Variants in CORO1C observed in about 807,000 individuals in gnomAD.
CORO1C encodes the protein coronin-1C.
Under a neutral mutation model 51.2 loss-of-function variants are expected in CORO1C, and 14 were observed. The ratio of observed to expected loss-of-function variants is 0.27; its 90% confidence interval spans 0.18 to 0.43. The LOEUF (loss-of-function observed/expected upper bound fraction) is 0.43. CORO1C is among the 20% of genes least tolerant of loss of function. The pLI is 1.00. For missense variants in CORO1C, 417 were observed against 607.8 expected (o/e 0.69, Z 3.30); for synonymous variants, 181 against 210.5 (o/e 0.86, Z 1.21).
intron 3 of CORO1C, among the ~76,000 whole-genome samples, chr12:108,663,005 T>C (rs979473163): frequency 5.9e-5 from 9 of 151,936 alleles, no homozygotes; most frequent in Non-Finnish European, 1.0e-4. Context: ...AATTGAAAAA[T>C]AGGCCAGTCA....
intron 2 of CORO1C, among the ~76,000 whole-genome samples, chr12:108,680,730 AC>A (rs2034096021): frequency 6.6e-6 from 1 of 152,220 alleles, no homozygotes; most frequent in South Asian, 2.1e-4. Flanking sequence ...CCGAAATTTA[AC>A]AAATGCTGGA....
intron 1 of CORO1C, among the ~76,000 whole-genome samples, chr12:108,715,098 G>T (rs779218648): frequency 4.6e-5 from 7 of 151,912 alleles, no homozygotes; most frequent in Non-Finnish European, 8.8e-5. Flanking sequence ...GCTGGGTGTG[G>T]TGGTTCATAC....
At chr12:108,669,340 A>C (rs964288751) in intron 3 of CORO1C, among the ~76,000 whole-genome samples, 1 of 152,198 alleles carries the variant, frequency 6.6e-6, no homozygotes, top group African/African-American at 2.4e-5. Context: ...TTTTTCTATG[A>C]AATGTCTATT....
intron 2 of CORO1C, among the ~76,000 whole-genome samples, chr12:108,691,857 C>T (rs1258937075): frequency 2.0e-5 from 3 of 152,118 alleles, no homozygotes; most frequent in Non-Finnish European, 4.4e-5. Context: ...GGGTGGAAAC[C>T]ATCATCTGCC....
chr12:108,678,394 T>C lies in CORO1C; in HGVS notation c.196A>G (p.Thr66Ala). The change falls in exon 3 of 11, where the codon ACT becomes GCT. Residue 66 changes from threonine to alanine, a missense_variant and splice_region_variant. Physicochemically the swap from Thr to Ala is moderately conservative, Grantham distance 58 (BLOSUM62 0). Coordinates refer to ENST00000261401, the MANE Select transcript of CORO1C (RefSeq NM_014325.4). ...GGGTAAGATTTGTCAATTCGACCAG[T>C]CTGAAAGAAGAGAGAAACAAACCTA... is the stretch of plus-strand genomic sequence containing the variant. ...GAFLVLPLHK[T>A]GRIDKSYPTV... The C allele has an allele frequency of 6.3e-7, 1 of 1,577,582 alleles. No homozygotes were observed. The highest frequency in any genetic ancestry group is 8.6e-7 in the Non-Finnish European group (1 of 1,160,034).
At chr12:108,692,794 CTTTTTTTTTTT>C (rs11447073) in intron 2 of CORO1C, among the ~76,000 whole-genome samples, 2 of 111,662 alleles carry the variant, frequency 1.8e-5, no homozygotes, top group African/African-American at 3.5e-5. Flanking sequence ...TAGACCACAG[CTTTTTTTTTTT>C]TTTTTTTTTT....
At position 108,701,928 on chromosome 12, in the gene CORO1C, C is replaced by T. The variant is rs181624133; in HGVS notation, c.-5-605G>A. On this transcript the variant is annotated intron_variant, in intron 1 of 10. Transcript: ENST00000261401. ...CCCTTGACTTCAAAAGCCTTCTAAT[C>T]TCCTTCTAACACAGACGTAATAATC... is the stretch of plus-strand genomic sequence containing the variant. 8.8e-5 allele frequency: 14 copies of T among 159,854 alleles called. No individual in the cohort carries two copies. In the East Asian group the frequency reaches 2.2e-3, roughly 25 times the overall value. 9.9% of individuals were successfully genotyped at this position (159,854 alleles called of 1,614,324 possible). A position where few individuals can be genotyped will look rare whatever the true frequency, so the allele number is the denominator to read the frequency against.
intron 2 of CORO1C, among the ~76,000 whole-genome samples, chr12:108,688,027 G>A (rs575763669): frequency 6.0e-5 from 9 of 151,064 alleles, no homozygotes; most frequent in Admixed American, 5.3e-4. Flanking sequence ...AGGTACAGGC[G>A]ATTCTCCCGC....
At chr12:108,710,258 T>C (rs1465624788) in intron 1 of CORO1C, among the ~76,000 whole-genome samples, 5 of 152,214 alleles carry the variant, frequency 3.3e-5, no homozygotes, top group Non-Finnish European at 5.9e-5. Flanking sequence ...CTTAGAAACA[T>C]GGACAGTTGT....
chr12:108,693,961 C>A (rs575644091), intron 2 of CORO1C, among the ~76,000 whole-genome samples: 102 of 152,222 alleles, frequency 6.7e-4, no homozygotes, highest in African/African-American at 2.4e-3. Flanking sequence ...CACAAAGCAC[C>A]CCCCTGGAGA....
rs936780340 is a variant in CORO1C at position 108,679,476 on chromosome 12, A to G, written c.196-1082T>C. ...AACTGCTATTGTTAACAATGGGTAT[A>G]TGAAAGTGGTTTCCTTTTTAAAATA... On this transcript the variant is annotated intron_variant, in intron 2 of 10. Transcript: ENST00000261401. Among the ~76,000 whole-genome samples the G allele has an allele frequency of 2.6e-5, 4 of 152,246 alleles. No individual in the cohort carries two copies. The South Asian group carries it at 6.2e-4, about 24-fold the overall frequency.
In CORO1C at chr12:108,710,538, G is replaced by A. The variant is rs867195050; in HGVS notation, c.-5-9215C>T. The stretch of plus-strand genomic sequence containing the variant: ...AATATTCATAATACTTAACATCTAA[G>A]GAAACAAAAAAGTTAAAATTTTTCT... On this transcript the variant is annotated intron_variant, in intron 1 of 10. Transcript: ENST00000261401. Among the ~76,000 whole-genome samples the A allele has an allele frequency of 6.6e-5, 10 of 151,526 alleles. No homozygotes were observed. The South Asian group carries it at 1.9e-3, about 29-fold the overall frequency.
chr12:108,673,438 T>C (rs1311264228), intron 3 of CORO1C, among the ~76,000 whole-genome samples: 1 of 152,198 alleles, frequency 6.6e-6, no homozygotes, highest in Non-Finnish European at 1.5e-5. Flanking sequence ...ATCTCCATTA[T>C]ATAAAAGTAC....
intron 3 of CORO1C, among the ~76,000 whole-genome samples, chr12:108,670,264 C>T (rs576499662): frequency 6.6e-6 from 1 of 152,300 alleles, no homozygotes; most frequent in East Asian, 1.9e-4. Context: ...AAGGGGACAC[C>T]TGACAGACCT....
At chr12:108,662,398 G>C (rs2033308057) in intron 3 of CORO1C, among the ~76,000 whole-genome samples, 1 of 152,090 alleles carries the variant, frequency 6.6e-6, no homozygotes, top group Admixed American at 6.5e-5. Context: ...CTGGAGTGCA[G>C]TGGCGCGATC....
intron 3 of CORO1C, among the ~76,000 whole-genome samples, chr12:108,664,251 A>T (rs1422784673): frequency 6.6e-6 from 1 of 152,232 alleles, no homozygotes; most frequent in Admixed American, 6.5e-5. Flanking sequence ...GTTCAACACT[A>T]GAACACGTGA....
rs1200345438 is a variant in CORO1C at position 108,647,400 on chromosome 12, C to A, written c.*3G>T. The stretch of plus-strand genomic sequence containing the variant: ...TTTTTCTGTAGGGGTGGGGGTGGGA[C>A]CTTCAGGCTGCTATCTTTGCCATCT... On this transcript the variant is annotated 3_prime_UTR_variant, in exon 11 of 11. Coordinates refer to ENST00000261401, the MANE Select transcript of CORO1C (RefSeq NM_014325.4). The A allele has an allele frequency of 1.2e-6, 2 of 1,612,922 alleles. No individual in the cohort carries two copies.
chr12:108,681,788 G>A (rs960504358), intron 2 of CORO1C, among the ~76,000 whole-genome samples: 4 of 152,066 alleles, frequency 2.6e-5, no homozygotes, highest in African/African-American at 9.7e-5. Flanking sequence ...AGAAAGTAAA[G>A]TAGAAAGGTA....
At chr12:108,665,713 A>C (rs2033450470) in intron 3 of CORO1C, among the ~76,000 whole-genome samples, 1 of 152,170 alleles carries the variant, frequency 6.6e-6, no homozygotes, top group African/African-American at 2.4e-5. Flanking sequence ...GAATTAATTA[A>C]CCCTCAGCAC....
Sources: gnomAD v4.1 joint callset for allele counts (sites outside exome capture counted in the v4.1 genomes callset) on GRCh38, gnomAD v4.1.1 for gene constraint, MANE v1.5 for transcripts, NCBI Gene and HGNC (gene_info 2026-07-23, HGNC 2026-07-21) for gene names.